AP4E1: variants seen among roughly 807,000 people sequenced by gnomAD.
AP4E1 encodes the protein adaptor related protein complex 4 subunit epsilon 1.
In AP4E1, 56 loss-of-function variants were observed where a neutral mutation model predicts 128.2. The observed-to-expected ratio is 0.44, with a 90% CI of 0.35 to 0.55. The LOEUF (loss-of-function observed/expected upper bound fraction) is 0.55. Ranked by LOEUF, AP4E1 falls within the 20% of genes least tolerant of loss-of-function variation. The pLI is 0.00. For synonymous variants in AP4E1, 484 were observed against 473.1 expected, an observed-to-expected ratio of 1.02 and a Z score of -0.30; for missense variants, 1,324 against 1,307.7, an observed-to-expected ratio of 1.01 and a Z score of -0.19.
chr15:50,986,325 C>T (rs942145682), intron 16 of AP4E1, among the ~76,000 whole-genome samples: 1 of 152,130 alleles, frequency 6.6e-6, no homozygotes, highest in Non-Finnish European at 1.5e-5. Flanking sequence ...ATTGCCCTGG[C>T]CAGAACTTCC....
chr15:50,918,449 T>G (rs561309647), intron 3 of AP4E1, among the ~76,000 whole-genome samples: 1 of 152,324 alleles, frequency 6.6e-6, no homozygotes, highest in African/African-American at 2.4e-5. Context: ...AAACAGTAGA[T>G]AGTTATTAAA....
chr15:50,944,847 G>A (rs2064036445), intron 10 of AP4E1: 1 of 760,534 alleles, frequency 1.3e-6, no homozygotes, highest in Non-Finnish European at 2.3e-6. Flanking sequence ...TGCTTTGCTG[G>A]ATGGTCACCA....
chr15:50,918,903 GA>G (rs1170939949), intron 3 of AP4E1, among the ~76,000 whole-genome samples: 3 of 151,850 alleles, frequency 2.0e-5, no homozygotes, highest in Non-Finnish European at 2.9e-5. Context: ...GCTTATTTTT[GA>G]TTTTTTTTTT....
chr15:50,983,921 T>C (rs1398697080), intron 15 of AP4E1, 101 bp from the exon 16 acceptor site: 2 of 1,186,836 alleles, frequency 1.7e-6, no homozygotes, highest in African/African-American at 1.5e-5. Context: ...TAAAAATGGC[T>C]ATTAGTTCCA....
chr15:51,001,664 G>T (rs1269890062), intron 20 of AP4E1, among the ~76,000 whole-genome samples: 1 of 152,138 alleles, frequency 6.6e-6, no homozygotes, highest in Non-Finnish European at 1.5e-5. Flanking sequence ...CTTCAAGGTT[G>T]ATCCATGTTG....
At chr15:50,992,382 A>G (rs1302924124) in intron 16 of AP4E1, among the ~76,000 whole-genome samples, 3 of 152,132 alleles carry the variant, frequency 2.0e-5, no homozygotes, top group East Asian at 3.9e-4. Flanking sequence ...GGTCATTGGT[A>G]TGTATTTAAG....
chr15:50,988,063 A>G (rs1267507845), intron 16 of AP4E1, among the ~76,000 whole-genome samples: 2 of 152,176 alleles, frequency 1.3e-5, no homozygotes, highest in South Asian at 2.1e-4. Context: ...ATATCTTGTA[A>G]CCGTCTCATT....
At chr15:50,948,877 C>T (rs1464825196) in intron 11 of AP4E1, among the ~76,000 whole-genome samples, 1 of 150,996 alleles carries the variant, frequency 6.6e-6, no homozygotes, top group Non-Finnish European at 1.5e-5. Flanking sequence ...GAGGCTGAGG[C>T]AGAGGAATCG....
chr15:50,965,930 T>C (rs2064386162), intron 14 of AP4E1, among the ~76,000 whole-genome samples: 1 of 152,174 alleles, frequency 6.6e-6, no homozygotes, highest in African/African-American at 2.4e-5. Context: ...CTTTCTTTTT[T>C]TTTTTGAGAC....
At chr15:50,978,221 C>G (rs557551437) in intron 15 of AP4E1, among the ~76,000 whole-genome samples, 1 of 152,082 alleles carries the variant, frequency 6.6e-6, no homozygotes, top group South Asian at 2.1e-4. Flanking sequence ...ATTTCAGAAT[C>G]TGTGGATTAT....
intron 14 of AP4E1, among the ~76,000 whole-genome samples, chr15:50,962,457 C>T (rs76176602): frequency 2.1e-4 from 32 of 152,058 alleles, no homozygotes; most frequent in African/African-American, 7.2e-4. Flanking sequence ...CGTGTATTTA[C>T]GACTAACTGA....
chr15:50,914,957 A>G (rs954618778), intron 2 of AP4E1, among the ~76,000 whole-genome samples: 7 of 152,238 alleles, frequency 4.6e-5, no homozygotes, highest in African/African-American at 1.7e-4. Flanking sequence ...TGTACTTAGC[A>G]CAATAATTCT....
intron 5 of AP4E1, 122 bp from the exon 6 acceptor site, chr15:50,928,887 A>G (rs1015267140): frequency 2.2e-6 from 2 of 927,566 alleles, no homozygotes; most frequent in Admixed American, 4.4e-5. Context: ...ATGTATAGTT[A>G]TCTCTTTCTT....
At position 50,993,385 on chromosome 15, in the gene AP4E1, G is replaced by C. The variant is rs2064827785; in HGVS notation, c.2106G>C (p.Lys702Asn). ...ETGLKETNSLKLEGIKKLWGK... is the reference protein window; with the variant it reads ...ETGLKETNSLNLEGIKKLWGK... Reference sequence around the variant, plus strand: ...ACCTCCTTAGGACAAATAGCTTGAAGCTGGAAGGTATAAAGAAATTGTGGG... The same window carrying C: ...ACCTCCTTAGGACAAATAGCTTGAACCTGGAAGGTATAAAGAAATTGTGGG... The change falls in exon 17 of 21, where the codon AAG (lysine) becomes AAC (asparagine). Residue 702 changes from lysine to asparagine, a missense_variant. Coordinates refer to ENST00000261842, the MANE Select transcript of AP4E1 (RefSeq NM_007347.5). 3.1e-6 allele frequency: 5 copies of C among 1,613,912 alleles called. No homozygotes were observed. The highest frequency in any genetic ancestry group is 4.2e-6 in the Non-Finnish European group (5 of 1,179,930).
chr15:50,945,210 C>T (rs2140851919), intron 10 of AP4E1: 1 of 816,848 alleles, frequency 1.2e-6, no homozygotes, highest in Non-Finnish European at 2.2e-6. Context: ...TTGGGATGAA[C>T]AAAGAACTAA....
intron 15 of AP4E1, among the ~76,000 whole-genome samples, chr15:50,973,605 C>T (rs138730066): frequency 1.3e-5 from 2 of 152,316 alleles, no homozygotes; most frequent in African/African-American, 4.8e-5. Context: ...TGGCAGCAAC[C>T]AGTCCATTCC....
Position 50,958,704 on chromosome 15 carries a change from A to T in AP4E1, c.1761A>T (p.Arg587Ser). ...CCATATCTTTGGATACTTGTATGAG[A>T]CAACATGCATTTGAATTAAAACATT... ...EFTISLDTCM[R>S]QHAFELKHLH... The change falls in exon 14 of 21, where the codon AGA (arginine) becomes AGT (serine). Residue 587 changes from arginine (R) to serine (S), a missense_variant. By Grantham distance (110) the Arg-to-Ser change is moderately radical (BLOSUM62 -1). Transcript: ENST00000261842. The T allele has an allele frequency of 1.2e-6, 2 of 1,614,166 alleles. No homozygotes were observed. The highest frequency in any genetic ancestry group is 1.7e-6 in the Non-Finnish European group (2 of 1,180,012).
At chr15:50,952,713 C>G (rs1462815393) in intron 13 of AP4E1, among the ~76,000 whole-genome samples, 1 of 151,494 alleles carries the variant, frequency 6.6e-6, no homozygotes. Flanking sequence ...ACCCCACTTT[C>G]TTTTGGTTTT....
intron 8 of AP4E1, among the ~76,000 whole-genome samples, 190 bp downstream of exon 8, chr15:50,934,887 A>G (rs1258792869): frequency 2.6e-5 from 4 of 152,046 alleles, no homozygotes; most frequent in African/African-American, 4.8e-5. Flanking sequence ...AACTCATGGC[A>G]TGTTCTAAAT....
Sources: allele counts gnomAD v4.1 joint callset (sites outside exome capture counted in the v4.1 genomes callset), GRCh38; gene constraint gnomAD v4.1.1; transcripts MANE v1.5; gene names NCBI Gene and HGNC (gene_info 2026-07-23, HGNC 2026-07-21).